SFXN5: variants seen among roughly 807,000 people sequenced by gnomAD.
SFXN5 encodes sideroflexin-5.
Under a neutral mutation model 50.2 loss-of-function variants are expected in SFXN5, and 43 were observed. That is an observed-to-expected ratio of 0.86 (90% confidence interval 0.67 to 1.11). The LOEUF is 1.11. SFXN5 is among the 50% of genes least tolerant of loss of function. The pLI is 0.00. For synonymous variants in SFXN5, 203 were observed against 185.8 expected (o/e 1.09, Z -0.75); for missense variants, 463 against 454.1 (o/e 1.02, Z -0.18).
At chr2:73,049,258 A>C (rs964097386) in intron 2 of SFXN5, 2 of 152,254 alleles carry the variant, frequency 1.3e-5, no homozygotes, top group African/African-American at 4.8e-5. Flanking sequence ...AAGAGGGCCA[A>C]ACCCTGTGTG....
intron 13 of SFXN5, among the ~76,000 whole-genome samples, chr2:72,959,167 C>G (rs943432423): frequency 7.9e-5 from 12 of 152,200 alleles, no homozygotes; most frequent in Non-Finnish European, 1.6e-4. Flanking sequence ...GCGCCGCTTT[C>G]TGGCCACAGC....
intron 13 of SFXN5, among the ~76,000 whole-genome samples, chr2:72,949,455 C>A (rs1457084816): frequency 1.3e-5 from 2 of 152,176 alleles, no homozygotes; most frequent in Admixed American, 1.3e-4. Flanking sequence ...CAGGCACATG[C>A]CACCATGCCT....
At chr2:72,979,574 C>A (rs1229451395) in intron 10 of SFXN5, among the ~76,000 whole-genome samples, 1 of 152,168 alleles carries the variant, frequency 6.6e-6, no homozygotes, top group African/African-American at 2.4e-5. Flanking sequence ...GCGGAGGTTG[C>A]AGTGAGCCGA....
intron 3 of SFXN5, among the ~76,000 whole-genome samples, chr2:73,039,474 G>T (rs1679344939): frequency 2.6e-5 from 4 of 152,144 alleles, no homozygotes; most frequent in Admixed American, 1.3e-4. Flanking sequence ...TTCTATAATT[G>T]TAACGACATG....
At chr2:73,050,897 CTT>C (rs965476772) in intron 2 of SFXN5, among the ~76,000 whole-genome samples, 6 of 152,200 alleles carry the variant, frequency 3.9e-5, no homozygotes, top group African/African-American at 1.4e-4. Flanking sequence ...TTGTTTCGCT[CTT>C]CTTACGTTTT....
chr2:73,004,306 A>AGT (rs1374647321), intron 6 of SFXN5, among the ~76,000 whole-genome samples: 1 of 126,550 alleles, frequency 7.9e-6, no homozygotes, highest in African/African-American at 3.8e-5. Context: ...GAGAGGAATG[A>AGT]GTGCGCGCGC....
intron 6 of SFXN5, among the ~76,000 whole-genome samples, chr2:73,010,213 A>G (rs1197345712): frequency 6.6e-6 from 1 of 152,266 alleles, no homozygotes; most frequent in East Asian, 1.9e-4. Context: ...TAAATTCTAA[A>G]TGAAATGTAT....
At chr2:73,050,572 A>G (rs1681165910) in intron 2 of SFXN5, among the ~76,000 whole-genome samples, 1 of 152,188 alleles carries the variant, frequency 6.6e-6, no homozygotes, top group African/African-American at 2.4e-5. Context: ...GACAAGGGGC[A>G]GTGAGCCCTG....
chr2:72,980,738 A>G (rs1042381849), intron 10 of SFXN5, among the ~76,000 whole-genome samples: 2 of 152,100 alleles, frequency 1.3e-5, no homozygotes, highest in African/African-American at 4.8e-5. Flanking sequence ...AGATTCTTCA[A>G]TGGTTCCTCA....
At chr2:73,052,977 A>G (rs1681580801) in intron 2 of SFXN5, among the ~76,000 whole-genome samples, 2 of 152,208 alleles carry the variant, frequency 1.3e-5, no homozygotes, top group South Asian at 2.1e-4. Context: ...CAGGAGTTCA[A>G]GACCAGCCTG....
At chr2:73,064,396 G>A (rs1037246249) in intron 1 of SFXN5, among the ~76,000 whole-genome samples, 2 of 152,210 alleles carry the variant, frequency 1.3e-5, no homozygotes, top group African/African-American at 2.4e-5. Flanking sequence ...CCAGGCATCA[G>A]TGTCTATTTT....
chr2:72,952,399 G>A (rs1332260723), intron 13 of SFXN5, among the ~76,000 whole-genome samples: 1 of 152,042 alleles, frequency 6.6e-6, no homozygotes, highest in Non-Finnish European at 1.5e-5. Context: ...CTCTAAACAG[G>A]GGTGACTACA....
chr2:72,961,621 T>C lies in SFXN5; in HGVS notation c.828-373A>G, dbSNP rs75284317. ...CGGCCCCTGTTCCTGGGGAGACACA[T>C]AGGGACGTAAGATCGCTCTCGAGGG... is the stretch of plus-strand genomic sequence containing the variant. On this transcript the variant is annotated intron_variant, in intron 12 of 13. Transcript: ENST00000272433. The surrounding 1 kb of genome is among the most constrained non-coding windows in gnomAD (Gnocchi z 4.4). Among the ~76,000 whole-genome samples, 15,159 of 152,092 alleles carry C rather than the reference T, an allele frequency of 0.1. 1,888 individuals are homozygous for C. The highest frequency in any genetic ancestry group is 0.29 in the African/African-American group (12,066 of 41,450).
intron 6 of SFXN5, among the ~76,000 whole-genome samples, chr2:73,018,039 A>AT (rs773590721): frequency 6.6e-6 from 1 of 152,114 alleles, no homozygotes; most frequent in Non-Finnish European, 1.5e-5. Context: ...CTCTATCTCT[A>AT]TAAAAAAATT....
intron 1 of SFXN5, chr2:73,070,961 C>G (rs930090138): frequency 6.6e-6 from 1 of 152,394 alleles, no homozygotes; most frequent in Non-Finnish European, 1.5e-5. Flanking sequence ...CCCCTCAGGG[C>G]ATCGGCCGGC....
chr2:73,020,256 G>C lies in SFXN5; in HGVS notation c.340C>G (p.Pro114Ala). The change falls in exon 6 of 14, where the codon CCT (proline) becomes GCT (alanine). Residue 114 changes from proline to alanine, a missense_variant. Coordinates refer to ENST00000272433, the MANE Select transcript of SFXN5 (RefSeq NM_144579.3). ...FMPFRMSGYI[P>A]FGTPIVVGLL... ...ACACTTACAATTGGCGTCCCAAAAG[G>C]AATATAACCTGTGAACGAGAAGAAA... 1 of 1,614,004 alleles carries C rather than the reference G, an allele frequency of 6.2e-7. No homozygotes were observed. The highest frequency in any genetic ancestry group is 8.5e-7 in the Non-Finnish European group (1 of 1,179,928).
In SFXN5 at chr2:72,961,124, C is replaced by T. The variant is rs753405882; in HGVS notation, c.945+7G>A. 6.3e-7 allele frequency: 1 copy of T among 1,576,248 alleles called. No homozygotes were observed. On this transcript the variant is annotated splice_region_variant and intron_variant, in intron 13 of 13. Coordinates refer to ENST00000272433, the MANE Select transcript of SFXN5 (RefSeq NM_144579.3). The surrounding 1 kb of genome is among the most constrained non-coding windows in gnomAD (Gnocchi z 4.4). ...CCTGCCCTGCCCTTGAGCCCCTCCC[C>T]ACTGACCTCTGACATTTGCGGGAAG...
chr2:73,029,967 G>A (rs1185941163), intron 3 of SFXN5, among the ~76,000 whole-genome samples: 1 of 152,134 alleles, frequency 6.6e-6, no homozygotes, highest in Non-Finnish European at 1.5e-5. Flanking sequence ...AGCTACTTGG[G>A]AGGCTGAGGA....
chr2:72,985,039 G>A (rs955004449), intron 10 of SFXN5, among the ~76,000 whole-genome samples: 1 of 152,126 alleles, frequency 6.6e-6, no homozygotes. Context: ...CAGGGCACAA[G>A]CCTCTTCAGG....
Sources: allele counts gnomAD v4.1 joint callset (sites outside exome capture counted in the v4.1 genomes callset), GRCh38; gene constraint gnomAD v4.1.1; non-coding constraint Gnocchi (gnomAD v3.1); transcripts MANE v1.5; gene names NCBI Gene and HGNC (gene_info 2026-07-23, HGNC 2026-07-21).